Variants in PODXL observed in about 807,000 individuals in gnomAD.
The protein encoded by PODXL is podocalyxin.
In PODXL, 20 loss-of-function variants were observed where a neutral mutation model predicts 48.9. The observed-to-expected ratio is 0.41, with a 90% CI of 0.29 to 0.59. The LOEUF (loss-of-function observed/expected upper bound fraction) is 0.59. Among genes scored for constraint, PODXL ranks in the 20% least tolerant of loss-of-function variants. PODXL has a pLI of 0.31. For synonymous variants in PODXL, 295 were observed against 287.4 expected, an observed-to-expected ratio of 1.03 and a Z score of -0.27; for missense variants, 606 against 675.1, an observed-to-expected ratio of 0.90 and a Z score of 1.13.
At chr7:131,524,193 AT>A (rs1269517354) in intron 1 of PODXL, among the ~76,000 whole-genome samples, 3 of 152,252 alleles carry the variant, frequency 2.0e-5, no homozygotes, top group Admixed American at 6.5e-5. Context: ...CCCTCACCTA[AT>A]TAGTGACGTC....
At chr7:131,546,854 G>C (rs77272058) in intron 1 of PODXL, among the ~76,000 whole-genome samples, 6,640 of 152,226 alleles carry the variant, frequency 0.044, 164 homozygotes, top group South Asian at 0.097. Context: ...CCATCTCAGT[G>C]GCTTCTTAGC....
chr7:131,509,469 T>C lies in PODXL; in HGVS notation c.919A>G (p.Thr307Ala), dbSNP rs746852282. Reference protein sequence around the residue: ...QPTSPATALRTPTLPETMSSS... With the variant: ...QPTSPATALRAPTLPETMSSS... Reference sequence around the variant, plus strand: ...CTCATGGTCTCTGGCAGGGTAGGTGTTCTCAATGCCGTTGCCGGGCTCGTG... The same window carrying C: ...CTCATGGTCTCTGGCAGGGTAGGTGCTCTCAATGCCGTTGCCGGGCTCGTG... The change falls in exon 4 of 9, where the codon ACA becomes GCA. Residue 307 changes from threonine to alanine, a missense_variant. Coordinates refer to ENST00000378555, the MANE Select transcript of PODXL (RefSeq NM_001018111.3). 2 of 1,613,900 alleles carry C rather than the reference T, an allele frequency of 1.2e-6. No individual in the cohort carries two copies. The highest frequency in any genetic ancestry group is 4.5e-5 in the East Asian group (2 of 44,862).
chr7:131,540,356 C>T (rs1798454022), intron 1 of PODXL, among the ~76,000 whole-genome samples: 1 of 152,060 alleles, frequency 6.6e-6, no homozygotes, highest in African/African-American at 2.4e-5. Flanking sequence ...CTATTATGTA[C>T]CTCGTTCAGA....
intron 1 of PODXL, among the ~76,000 whole-genome samples, chr7:131,514,220 C>A (rs1797958146): frequency 6.6e-6 from 1 of 152,294 alleles, no homozygotes; most frequent in Non-Finnish European, 1.5e-5. Context: ...CTGAGACCAG[C>A]CTGGCCAACA....
At chr7:131,507,578 G>A (rs2116782067) in intron 5 of PODXL, among the ~76,000 whole-genome samples, 1 of 152,094 alleles carries the variant, frequency 6.6e-6, no homozygotes, top group African/African-American at 2.4e-5. Flanking sequence ...CACCCCTAAG[G>A]TTTCTACCAG....
chr7:131,509,776 C>T (rs1202372065), intron 3 of PODXL, among the ~76,000 whole-genome samples, 191 bp from the exon 4 acceptor site: 1 of 152,154 alleles, frequency 6.6e-6, no homozygotes, highest in African/African-American at 2.4e-5. Context: ...CAAACGTTCA[C>T]TGAGCACTTA....
intron 1 of PODXL, among the ~76,000 whole-genome samples, chr7:131,549,838 C>T (rs2061222627): frequency 6.6e-6 from 1 of 152,164 alleles, no homozygotes; most frequent in Non-Finnish European, 1.5e-5. Context: ...GTGGCTTATT[C>T]CCAAGGGGAA....
chr7:131,510,920 C>T lies in PODXL; in HGVS notation c.614G>A (p.Gly205Glu). ...TGAAATTTTCATAAGATGGTCATGT[C>T]CCGAGCTTGTTGGGGTGGCCACAGG... ...THPVATPTSSGHDHLMKISSS... is the reference protein window; with the variant it reads ...THPVATPTSSEHDHLMKISSS... Residue 205 changes from glycine (G) to glutamate (E), a missense_variant, in exon 2 of 9, where the codon GGA becomes GAA. Physicochemically the swap from Gly to Glu is moderately conservative, Grantham distance 98 (BLOSUM62 -2). Coordinates refer to ENST00000378555, the MANE Select transcript of PODXL (RefSeq NM_001018111.3). 1 of 1,614,072 alleles carries T rather than the reference C, an allele frequency of 6.2e-7. No homozygotes were observed. Among genetic ancestry groups the T allele is most frequent in the Non-Finnish European group, 8.5e-7 (1 of 1,180,022 alleles).
At chr7:131,534,632 T>C (rs914680887) in intron 1 of PODXL, among the ~76,000 whole-genome samples, 1 of 152,192 alleles carries the variant, frequency 6.6e-6, no homozygotes, top group Non-Finnish European at 1.5e-5. Flanking sequence ...CTCAGGGAAA[T>C]GAAGCTCAAT....
At chr7:131,546,839 G>A (rs1347467849) in intron 1 of PODXL, among the ~76,000 whole-genome samples, 1 of 152,130 alleles carries the variant, frequency 6.6e-6, no homozygotes, top group Non-Finnish European at 1.5e-5. Flanking sequence ...GGAAGGCAGG[G>A]GGCGCCATCT....
chr7:131,522,748 A>C (rs562178147), intron 1 of PODXL, among the ~76,000 whole-genome samples: 1 of 152,192 alleles, frequency 6.6e-6, no homozygotes, highest in African/African-American at 2.4e-5. Flanking sequence ...TGTAAACGGG[A>C]TCATACACTA....
In PODXL at chr7:131,509,508, C is replaced by A; in HGVS notation, c.880G>T (p.Glu294Ter). The A allele has an allele frequency of 6.2e-7, 1 of 1,611,534 alleles. No homozygotes were observed. Among genetic ancestry groups the A allele is most frequent in the Non-Finnish European group, 8.5e-7 (1 of 1,178,132 alleles). Residue 294 changes from glutamate (E) to a stop codon, truncating the protein, a stop_gained, in exon 4 of 9, where the codon GAG becomes TAG. Transcript: ENST00000378555. LOFTEE classifies it high-confidence loss of function. ...PASSTAPSSQ[E>*]TVQPTSPATA... Reference sequence around the variant, plus strand: ...GCCGGGCTCGTGGGCTGCACTGTCTCCTGGGAGGAAGGGGCCGTAGAGCTG... The same window carrying A: ...GCCGGGCTCGTGGGCTGCACTGTCTACTGGGAGGAAGGGGCCGTAGAGCTG...
intron 1 of PODXL, among the ~76,000 whole-genome samples, chr7:131,523,084 A>T (rs1376231162): frequency 6.6e-6 from 1 of 152,150 alleles, no homozygotes; most frequent in Non-Finnish European, 1.5e-5. Context: ...CTCTTTATTT[A>T]GTATCTGGAG....
chr7:131,505,870 G>T lies in PODXL; in HGVS notation c.1477C>A (p.Gln493Lys). 1 of 1,560,072 alleles carries T rather than the reference G, an allele frequency of 6.4e-7. No individual in the cohort carries two copies. The highest frequency in any genetic ancestry group is 8.7e-7 in the Non-Finnish European group (1 of 1,151,948). Residue 493 changes from glutamine to lysine, a missense_variant and splice_region_variant, in exon 8 of 9, where the codon CAG becomes AAG. By Grantham distance (53) the Gln-to-Lys change is moderately conservative. Transcript: ENST00000378555. ...TGTGGCTGCAAACAGCTGCTTACCT[G>T]GTCCTTCCTCTGGGAGAGGCGCTGG... The part of the protein sequence containing the change: ...CHQRLSQRKD[Q>K]QRLTEELQTV...
At position 131,502,484 on chromosome 7, in the gene PODXL, A is replaced by G. The variant is rs181075297; in HGVS notation, c.*1827T>C. Reference sequence around the variant, plus strand: ...GAGGAAGGAATTAGGCAGATGGTGCAGGACAGATCTTCCCCAGCCCCTCCC... The same window carrying G: ...GAGGAAGGAATTAGGCAGATGGTGCGGGACAGATCTTCCCCAGCCCCTCCC... On this transcript the variant is annotated 3_prime_UTR_variant, in exon 9 of 9. Transcript: ENST00000378555. The G allele has an allele frequency of 5.6e-3, 856 of 152,400 alleles. 6 individuals are homozygous for G. Among genetic ancestry groups the G allele is most frequent in the Non-Finnish European group, 7.0e-3 (475 of 68,112 alleles). The allele number at this position is 152,400 out of a possible 1,614,324, so 9.4% of individuals were successfully genotyped here.
In PODXL at chr7:131,509,399, G is replaced by A. The variant is rs758773640; in HGVS notation, c.989C>T (p.Thr330Ile). 7 of 1,614,026 alleles carry A rather than the reference G, an allele frequency of 4.3e-6. No homozygotes were observed. The highest frequency in any genetic ancestry group is 5.9e-6 in the Non-Finnish European group (7 of 1,180,014). ...AASTTHRYPK[T>I]PSPTVAHESN... is the part of the protein sequence containing the mutation. ...CTCATGAGCCACAGTGGGAGAAGGT[G>A]TTTTGGGGTATCGGTGGGTAGTTGA... The change falls in exon 4 of 9, where the codon ACA (threonine) becomes ATA (isoleucine). Residue 330 changes from threonine (T) to isoleucine (I), a missense_variant. Coordinates refer to ENST00000378555, the MANE Select transcript of PODXL (RefSeq NM_001018111.3).
intron 1 of PODXL, among the ~76,000 whole-genome samples, chr7:131,537,098 C>G (rs1798387017): frequency 6.6e-6 from 1 of 152,072 alleles, no homozygotes; most frequent in Non-Finnish European, 1.5e-5. Flanking sequence ...TGCACTCCAT[C>G]CCGGATGACA....
Position 131,528,593 on chromosome 7 carries a change from A to G in PODXL, c.101-17160T>C, listed in dbSNP as rs371197067. 2.8e-4 allele frequency among the ~76,000 whole-genome samples: 43 copies of G among 152,358 alleles called. No individual in the cohort carries two copies. The East Asian group carries it at 7.5e-3, about 27-fold the overall frequency. The stretch of plus-strand genomic sequence containing the variant: ...GCCAGAGGACCACACTTTGAGAACC[A>G]CTATGCTAGAGAAGTAAAATGTGAT... On this transcript the variant is annotated intron_variant, in intron 1 of 8. Transcript: ENST00000378555.
Position 131,556,489 on chromosome 7 carries a change from G to T in PODXL, c.-130C>A. ...GGCTCCGGAGGCCAGGCTGTGGCCC[G>T]GGGCTCCCGAGTCGCGCTGCGGCGG... On this transcript the variant is annotated 5_prime_UTR_variant, in exon 1 of 9. Transcript: ENST00000378555. The T allele has an allele frequency of 8.9e-7, 1 of 1,120,548 alleles. No homozygotes were observed. Among genetic ancestry groups the T allele is most frequent in the Non-Finnish European group, 1.1e-6 (1 of 883,342 alleles). 69.4% of individuals were successfully genotyped at this position (1,120,548 alleles called of 1,614,324 possible).
Sources: gnomAD v4.1 joint callset for allele counts (sites outside exome capture counted in the v4.1 genomes callset) on GRCh38, gnomAD v4.1.1 for gene constraint, MANE v1.5 for transcripts, NCBI Gene and HGNC (gene_info 2026-07-23, HGNC 2026-07-21) for gene names.